The following PCNX2 variants were observed in gnomAD, a reference collection of about 807,000 sequenced individuals.
The protein encoded by PCNX2 is pecanex 2.
A neutral mutation model predicts 223.8 loss-of-function variants in PCNX2; 168 were observed. The observed-to-expected ratio is 0.75, with a 90% CI of 0.66 to 0.85. The LOEUF (loss-of-function observed/expected upper bound fraction) is 0.85. Ranked by LOEUF, PCNX2 falls within the 40% of genes least tolerant of loss-of-function variation. The probability of loss-of-function intolerance (pLI) is 0.00; values close to 1 mark genes in which losing one functional copy is unlikely to be tolerated. For synonymous variants in PCNX2, 1,006 were observed against 1,052.6 expected (o/e 0.96, Z 0.86); for missense variants, 2,507 against 2,675.5 (o/e 0.94, Z 1.39).
At chr1:233,180,996 A>G (rs1183901987) in intron 15 of PCNX2, 1 of 152,154 alleles carries the variant, frequency 6.6e-6, no homozygotes, top group African/African-American at 2.4e-5. Context: ...ATTTTGCTGA[A>G]AAGCTCAAAC....
chr1:233,202,373 AT>A (rs1681170622), intron 13 of PCNX2: 1 of 245,182 alleles, frequency 4.1e-6, no homozygotes, highest in South Asian at 4.7e-5. Context: ...GCACAGTTCC[AT>A]TTCTTTTTAA....
intron 1 of PCNX2, chr1:233,291,920 C>T (rs1204871272): frequency 5.1e-6 from 5 of 985,262 alleles, no homozygotes; most frequent in Non-Finnish European, 4.8e-6. Flanking sequence ...TGCCCATATG[C>T]CCCTGCTGTA....
chr1:232,984,235 G>T lies in PCNX2; in HGVS notation c.*69C>A. 7.0e-7 allele frequency: 1 copy of T among 1,431,992 alleles called. No homozygotes were observed. Among genetic ancestry groups the T allele is most frequent in the South Asian group, 1.4e-5 (1 of 68,976 alleles). 88.7% of individuals were successfully genotyped at this position (1,431,992 alleles called of 1,614,324 possible). A position where few individuals can be genotyped will look rare whatever the true frequency, so the allele number is the denominator to read the frequency against. On this transcript the variant is annotated 3_prime_UTR_variant, in exon 34 of 34. Coordinates refer to ENST00000258229, the MANE Select transcript of PCNX2 (RefSeq NM_014801.4). ...TATTGGTTGGTTGTGGTGATTTGGG[G>T]AGCACGAGGGAGAGCAATGCAGGTG...
the PCNX2 span, among the ~76,000 whole-genome samples, chr1:233,323,135 T>C: frequency 1.3e-5 from 2 of 152,226 alleles, no homozygotes; most frequent in East Asian, 1.9e-4. Context: ...CAGAACTCAT[T>C]TGGCATCAAA....
chr1:233,083,569 C>T (rs1257867190), intron 23 of PCNX2, among the ~76,000 whole-genome samples: 3 of 152,198 alleles, frequency 2.0e-5, no homozygotes, highest in Non-Finnish European at 4.4e-5. Context: ...GTCTATATTA[C>T]AAACCAACAA....
At chr1:233,198,674 C>G (rs1039701339) in intron 15 of PCNX2, among the ~76,000 whole-genome samples, 1 of 152,160 alleles carries the variant, frequency 6.6e-6, no homozygotes, top group Non-Finnish European at 1.5e-5. Context: ...AGCAGCCCCT[C>G]CCACTGTCAC....
chr1:233,140,157 C>T (rs1197249786), intron 19 of PCNX2, among the ~76,000 whole-genome samples: 2 of 149,208 alleles, frequency 1.3e-5, no homozygotes, highest in Non-Finnish European at 3.0e-5. Flanking sequence ...AGCATCAAGT[C>T]ATCTTAGCGT....
chr1:233,161,344 T>A lies in PCNX2; in HGVS notation c.3293A>T (p.Asp1098Val). Residue 1098 changes from aspartate (D) to valine (V), a missense_variant, in exon 18 of 34, where the codon GAT becomes GTT. Asp to Val is a radical substitution (Grantham distance 152). Around this residue, in one of 3 missense-constraint regions of PCNX2, gnomAD observed 1,372 missense variants for 1,509.4 expected, o/e 0.91. Transcript: ENST00000258229. ...KDSVTDVLKW[D>V]LIVCAVVAVL... ...AGCAACCACTGCGCAGACGATGAGA[T>A]CCCATTTTAAGACATCCGTCTGGAA... is the stretch of plus-strand genomic sequence containing the variant. The A allele has an allele frequency of 4.3e-6, 7 of 1,613,730 alleles. No homozygotes were observed. The highest frequency in any genetic ancestry group is 3.3e-4 in the Middle Eastern group (2 of 6,050).
intron 12 of PCNX2, among the ~76,000 whole-genome samples, chr1:233,215,540 T>A (rs540868514): frequency 1.2e-4 from 18 of 152,308 alleles, no homozygotes; most frequent in African/African-American, 4.3e-4. Flanking sequence ...ACATTACAAA[T>A]CCACAAGGAT....
At chr1:233,169,730 C>T (rs534165536) in intron 17 of PCNX2, among the ~76,000 whole-genome samples, 1 of 151,588 alleles carries the variant, frequency 6.6e-6, no homozygotes, top group Admixed American at 6.6e-5. Flanking sequence ...GTGAACACCT[C>T]TGTAACCACC....
intron 20 of PCNX2, 113 bp from the exon 21 acceptor site, chr1:233,135,303 C>G (rs1456720250): frequency 3.5e-6 from 4 of 1,156,352 alleles, no homozygotes; most frequent in Admixed American, 2.8e-5. Context: ...TTTACAGGCA[C>G]AAAAAGCCAA....
chr1:233,099,827 A>C (rs1034223491), intron 21 of PCNX2, among the ~76,000 whole-genome samples: 3 of 152,228 alleles, frequency 2.0e-5, no homozygotes, highest in African/African-American at 7.2e-5. Flanking sequence ...GACTTAATGG[A>C]AACAGCCACA....
chr1:233,253,077 C>T lies in PCNX2; in HGVS notation c.1835-289G>A, dbSNP rs368340599. 3.5e-4 allele frequency among the ~76,000 whole-genome samples: 53 copies of T among 152,284 alleles called. No homozygotes were observed. The highest frequency in any genetic ancestry group is 1.2e-3 in the African/African-American group (49 of 41,570). On this transcript the variant is annotated intron_variant, in intron 5 of 33. Transcript: ENST00000258229. This position sits in a 1 kb window ranked among gnomAD's most constrained non-coding sequence, Gnocchi z 4.2. ...CCCTTGAAATAACTCGGTGACCATA[C>T]ATGTGCCCAGCTGGAAATCACCCAT...
chr1:233,058,730 A>G (rs1672291463), intron 23 of PCNX2, among the ~76,000 whole-genome samples: 1 of 146,068 alleles, frequency 6.8e-6, no homozygotes, highest in Admixed American at 6.9e-5. Context: ...CAGCAGTGCA[A>G]TCTCGGCTCA....
chr1:233,223,688 C>T (rs1180212487), intron 10 of PCNX2, among the ~76,000 whole-genome samples: 1 of 152,134 alleles, frequency 6.6e-6, no homozygotes, highest in African/African-American at 2.4e-5. Flanking sequence ...GTTCAACTCC[C>T]ACTTATGAGT....
intron 32 of PCNX2, among the ~76,000 whole-genome samples, chr1:232,997,524 C>T (rs1310469322): frequency 1.3e-5 from 2 of 152,150 alleles, no homozygotes; most frequent in African/African-American, 4.8e-5. Context: ...AGGGTAAAGC[C>T]AAGGACCAGC....
intron 25 of PCNX2, among the ~76,000 whole-genome samples, chr1:233,042,528 G>A (rs1180269487): frequency 6.6e-6 from 1 of 152,168 alleles, no homozygotes; most frequent in African/African-American, 2.4e-5. Context: ...CCCAACCTGG[G>A]AGCTATATCA....
In PCNX2 at chr1:233,232,858, C is replaced by A. The variant is rs547568437; in HGVS notation, c.2358+3987G>T. On this transcript the variant is annotated intron_variant, in intron 9 of 33. Coordinates refer to ENST00000258229, the MANE Select transcript of PCNX2 (RefSeq NM_014801.4). ...ACCAATGCAATGCTTGACCGTCATG[C>A]TATCCATAATGATAATAATAATAAT... is the stretch of plus-strand genomic sequence containing the variant. The A allele has an allele frequency of 4.3e-5, 42 of 985,300 alleles. No individual in the cohort carries two copies. The African/African-American group carries it at 7.2e-4, about 17-fold the overall frequency. 61.0% of individuals were successfully genotyped at this position (985,300 alleles called of 1,614,324 possible). A position where few individuals can be genotyped will look rare whatever the true frequency, so the allele number is the denominator to read the frequency against.
rs563779216 is a variant in PCNX2, at chr1:233,286,971, T to C, written c.153+8355A>G. The stretch of plus-strand genomic sequence containing the variant: ...CATTCTGCGATCTAAATCAAGTCTG[T>C]ATTTTGTTGCTAAAAGCCATCATAA... On this transcript the variant is annotated intron_variant, in intron 1 of 33. Transcript: ENST00000258229. 3.3e-5 allele frequency among the ~76,000 whole-genome samples: 5 copies of C among 152,354 alleles called. No individual in the cohort carries two copies. In the South Asian group the frequency reaches 8.3e-4, roughly 25 times the overall value.
Sources: gnomAD v4.1 joint callset for allele counts (sites outside exome capture counted in the v4.1 genomes callset) on GRCh38, gnomAD v4.1.1 for gene constraint, gnomAD v4.1.1 regional missense constraint, Gnocchi (gnomAD v3.1) non-coding constraint, MANE v1.5 for transcripts, NCBI Gene and HGNC (gene_info 2026-07-23, HGNC 2026-07-21) for gene names.